CMPK2: variants seen among roughly 807,000 people sequenced by gnomAD.
CMPK2 encodes the protein cytidine/uridine monophosphate kinase 2.
A neutral mutation model predicts 33.4 loss-of-function variants in CMPK2; 32 were observed. The ratio of observed to expected loss-of-function variants is 0.96; its 90% CI spans 0.72 to 1.29. The LOEUF is 1.29. Ranked by LOEUF, CMPK2 falls within the 50% of genes most tolerant of loss-of-function variation. The probability of loss-of-function intolerance (pLI) is 0.00; values close to 1 mark genes in which losing one functional copy is unlikely to be tolerated. For synonymous variants in CMPK2, 299 were observed against 275.3 expected, an observed-to-expected ratio of 1.09 and a Z score of -0.85; for missense variants, 672 against 616.0, an observed-to-expected ratio of 1.09 and a Z score of -0.96.
At chr2:6,862,547 A>T (rs555229339) in intron 2 of CMPK2, among the ~76,000 whole-genome samples, 1 of 152,232 alleles carries the variant, frequency 6.6e-6, no homozygotes, top group Admixed American at 6.5e-5. Context: ...AAAATAAATG[A>T]TCAACAAAAC....
In CMPK2 at chr2:6,849,254, T is replaced by C; in HGVS notation, c.*596A>G. 1.0e-6 allele frequency: 1 copy of C among 985,482 alleles called. No homozygotes were observed. The highest frequency in any genetic ancestry group is 5.2e-4 in the Middle Eastern group (1 of 1,914). 61.0% of individuals were successfully genotyped at this position (985,482 alleles called of 1,614,324 possible). Reference sequence around the variant, plus strand: ...CTCTGAGCCTCAGACACAAGATCAATGCCTTCTTTGTAAGTGTTCCTTACC... The same window carrying C: ...CTCTGAGCCTCAGACACAAGATCAACGCCTTCTTTGTAAGTGTTCCTTACC... On this transcript the variant is annotated 3_prime_UTR_variant, in exon 5 of 5. Coordinates refer to ENST00000256722, the MANE Select transcript of CMPK2 (RefSeq NM_207315.4).
Position 6,849,823 on chromosome 2 carries a change from G to T in CMPK2, c.*27C>A, listed in dbSNP as rs947821958. The T allele has an allele frequency of 6.2e-7, 1 of 1,613,316 alleles. No homozygotes were observed. The highest frequency in any genetic ancestry group is 8.5e-7 in the Non-Finnish European group (1 of 1,179,734). On this transcript the variant is annotated 3_prime_UTR_variant, in exon 5 of 5. Coordinates refer to ENST00000256722, the MANE Select transcript of CMPK2 (RefSeq NM_207315.4). ...GATGTTTCAAACAACATCTAATCTA[G>T]TTAGACGTGGCACCTGGCCAGAGTA...
At chr2:6,845,570 G>C (rs1662337920), downstream of CMPK2, among the ~76,000 whole-genome samples, 1 of 152,204 alleles carries the variant, frequency 6.6e-6, no homozygotes, top group Non-Finnish European at 1.5e-5. Context: ...GGCAGGACTA[G>C]TCATGCTCAC....
In CMPK2 at chr2:6,863,582, T is replaced by TAA. The variant is rs762586501; in HGVS notation, c.676-6_676-5dup. 2 of 1,608,622 alleles carry TAA rather than the reference T, an allele frequency of 1.2e-6. No homozygotes were observed. Among genetic ancestry groups the TAA allele is most frequent in the South Asian group, 2.2e-5 (2 of 90,668 alleles). ...CTTCAGGAATAAAGGAGGTACACTG[T>TAA]AAAACAACGTCTATCCATCAGCAAT... is the stretch of plus-strand genomic sequence containing the variant. On this transcript the variant is annotated splice_region_variant and splice_polypyrimidine_tract_variant and intron_variant, in intron 1 of 4. Transcript: ENST00000256722.
downstream of CMPK2, among the ~76,000 whole-genome samples, chr2:6,844,516 T>G (rs1246045825): frequency 1.3e-5 from 2 of 152,172 alleles, no homozygotes; most frequent in Admixed American, 1.3e-4. Flanking sequence ...ATTAAGAGGT[T>G]TGGTACTTGT....
downstream of CMPK2, among the ~76,000 whole-genome samples, chr2:6,846,115 T>C (rs115809526): frequency 0.012 from 1,819 of 152,292 alleles, 35 homozygotes; most frequent in African/African-American, 0.042. Context: ...GGTGGCATTG[T>C]AGGGTTAGAA....
intron 3 of CMPK2, among the ~76,000 whole-genome samples, chr2:6,854,692 A>G (rs1220843286): frequency 1.3e-5 from 2 of 152,232 alleles, no homozygotes; most frequent in African/African-American, 4.8e-5. Context: ...CAGGGAAGCC[A>G]CATTAGTTCA....
chr2:6,865,394 C>A lies in CMPK2; in HGVS notation c.303G>T (p.Gln101His). 1 of 1,366,358 alleles carries A rather than the reference C, an allele frequency of 7.3e-7. No homozygotes were observed. Among genetic ancestry groups the A allele is most frequent in the South Asian group, 1.8e-5 (1 of 56,710 alleles). The allele number at this position is 1,366,358 out of a possible 1,614,324, so 84.6% of individuals were successfully genotyped here. ...ACCGCTGGAAGGGGCCGCGGCGCAG[C>A]TGGTGCAGCAGGCGCTGGTGCAGCC... ...AARLHQRLLH[Q>H]LRRGPFQRCQ... is the part of the protein sequence containing the mutation. The change falls in exon 1 of 5, where the codon CAG becomes CAT. Residue 101 changes from glutamine (Q) to histidine (H), a missense_variant. By Grantham distance (24) the Gln-to-His change is conservative. Transcript: ENST00000256722.
At chr2:6,856,017 A>AGGGC in intron 3 of CMPK2, among the ~76,000 whole-genome samples, 1 of 152,350 alleles carries the variant, frequency 6.6e-6, no homozygotes, top group Non-Finnish European at 1.5e-5. Context: ...TAATGTCAAC[A>AGGGC]GGGCTGTTAG....
rs1038326967 is a variant in CMPK2 at position 6,865,550 on chromosome 2, G to C, written c.147C>G (p.Ala49=). The change falls in exon 1 of 5, where the codon GCC becomes GCG. Residue 49 remains alanine (A), a synonymous_variant. Coordinates refer to ENST00000256722, the MANE Select transcript of CMPK2 (RefSeq NM_207315.4). The stretch of plus-strand genomic sequence containing the variant: ...GGGCGTCTGCGTCGCCGGGGGCGTC[G>C]GCGCCTAGGGCGAAGTGAGCCAGGG... The part of the protein sequence containing the change: ...DCTLAHFALG[A]DAPGDADAPD... The C allele has an allele frequency of 9.1e-6, 12 of 1,314,048 alleles. No individual in the cohort carries two copies. The Admixed American group carries it at 1.6e-4, about 17-fold the overall frequency. 81.4% of individuals were successfully genotyped at this position (1,314,048 alleles called of 1,614,324 possible).
In CMPK2 at chr2:6,849,194, GTCTTT is replaced by G; in HGVS notation, c.*651_*655del. 1.0e-6 allele frequency: 1 copy of G among 985,454 alleles called. No homozygotes were observed. The allele number at this position is 985,454 out of a possible 1,614,324, so 61.0% of individuals were successfully genotyped here. On this transcript the variant is annotated 3_prime_UTR_variant, in exon 5 of 5. Transcript: ENST00000256722. Reference sequence around the variant, plus strand: ...GCAGTTGGAGCATCTTGGCTTGAATGTCTTTATATATGACTCAGAAGCCTATCAAA... The same window carrying G: ...GCAGTTGGAGCATCTTGGCTTGAATGATATATGACTCAGAAGCCTATCAAA...
chr2:6,854,807 A>C (rs1262257680), intron 3 of CMPK2, among the ~76,000 whole-genome samples: 1 of 151,994 alleles, frequency 6.6e-6, no homozygotes. Flanking sequence ...ACATCCACTC[A>C]CTGAATCATC....
chr2:6,847,095 G>A (rs1052379324), downstream of CMPK2, among the ~76,000 whole-genome samples: 1 of 152,126 alleles, frequency 6.6e-6, no homozygotes, highest in Non-Finnish European at 1.5e-5. Flanking sequence ...GGCCAGTTGT[G>A]GGGGTTTTAC....
At position 6,843,012 on chromosome 2, in the gene CMPK2, G is replaced by T. The variant is rs1339673261; in HGVS notation, c.993-2334C>A. Among the ~76,000 whole-genome samples, 316 of 152,252 alleles carry T rather than the reference G, an allele frequency of 2.1e-3. 1 individual carries two copies. The highest frequency in any genetic ancestry group is 3.5e-3 in the Non-Finnish European group (238 of 68,022). ...CATTTTTGAGAAAGTCCCTCAGTTGGGACACAGAGGGGAATATCATCTACT... is the reference window on the plus strand; with the variant it reads ...CATTTTTGAGAAAGTCCCTCAGTTGTGACACAGAGGGGAATATCATCTACT... On this transcript the variant is annotated intron_variant, in intron 3 of 3. Transcript: ENST00000458098.
chr2:6,863,917 C>T (rs2595170), intron 1 of CMPK2, among the ~76,000 whole-genome samples: 1 of 152,208 alleles, frequency 6.6e-6, no homozygotes, highest in African/African-American at 2.4e-5. Flanking sequence ...GGAACACTGT[C>T]TCACAAGAAT....
chr2:6,864,964 C>G (rs1173723348), intron 1 of CMPK2, 58 bp downstream of exon 1: 6 of 1,362,062 alleles, frequency 4.4e-6, no homozygotes, highest in Non-Finnish European at 5.7e-6. Context: ...TGGTCCAGTT[C>G]TCTGGTCTGA....
chr2:6,858,920 A>G (rs1256542071), intron 3 of CMPK2, among the ~76,000 whole-genome samples: 2 of 152,234 alleles, frequency 1.3e-5, no homozygotes, highest in East Asian at 3.8e-4. Flanking sequence ...AGAAGACAGG[A>G]AAATGTGGGA....
chr2:6,861,045 A>G, intron 3 of CMPK2, 139 bp downstream of exon 3: 2 of 662,500 alleles, frequency 3.0e-6, no homozygotes, highest in Non-Finnish European at 5.3e-6. Context: ...TATCATAATA[A>G]CAGTTTGACT....
At chr2:6,840,807 G>T in intron 3 of CMPK2, 1 of 620,158 alleles carries the variant, frequency 1.6e-6, no homozygotes, top group Non-Finnish European at 2.9e-6. Flanking sequence ...CTGGGCCAGG[G>T]AGGTTACATG....
Sources: gnomAD v4.1 joint callset for allele counts (sites outside exome capture counted in the v4.1 genomes callset) on GRCh38, gnomAD v4.1.1 for gene constraint, MANE v1.5 for transcripts, NCBI Gene and HGNC (gene_info 2026-07-23, HGNC 2026-07-21) for gene names.